CFAP299: variants seen among roughly 807,000 people sequenced by gnomAD.
CFAP299 encodes cilia- and flagella-associated protein 299.
In CFAP299, 21 loss-of-function variants were observed where a neutral mutation model predicts 27.0. The ratio of observed to expected loss-of-function variants is 0.78; its 90% CI spans 0.55 to 1.12. The LOEUF is 1.12. Among genes scored for constraint, CFAP299 ranks in the 50% most tolerant of loss-of-function variants. The pLI is 0.00. For synonymous variants in CFAP299, 104 were observed against 98.1 expected (o/e 1.06, Z -0.36); for missense variants, 310 against 276.6 (o/e 1.12, Z -0.86).
chr4:80,457,820 C>T (rs1729240537), intron 2 of CFAP299, among the ~76,000 whole-genome samples: 1 of 152,134 alleles, frequency 6.6e-6, no homozygotes, highest in Non-Finnish European at 1.5e-5. Context: ...GAGCCATCTA[C>T]AATAGAGACT....
intron 3 of CFAP299, among the ~76,000 whole-genome samples, chr4:80,847,465 A>G (rs780926207): frequency 9.2e-5 from 14 of 152,158 alleles, no homozygotes; most frequent in Non-Finnish European, 1.5e-4. Context: ...AGTGGCAGAG[A>G]TGATGTCAGT....
intron 3 of CFAP299, among the ~76,000 whole-genome samples, chr4:80,829,394 T>G (rs2110130244): frequency 6.6e-6 from 1 of 152,046 alleles, no homozygotes; most frequent in Non-Finnish European, 1.5e-5. Flanking sequence ...TTTCACCCAT[T>G]AGGATGGATA....
intron 3 of CFAP299, among the ~76,000 whole-genome samples, chr4:80,701,838 A>G (rs898014791): frequency 3.3e-5 from 5 of 152,036 alleles, no homozygotes; most frequent in Admixed American, 2.0e-4. Context: ...AATGATTATA[A>G]ACAATGAACT....
intron 3 of CFAP299, among the ~76,000 whole-genome samples, chr4:80,629,710 T>A (rs1739107924): frequency 6.6e-6 from 1 of 151,828 alleles, no homozygotes; most frequent in Non-Finnish European, 1.5e-5. Context: ...TGAAACCTGG[T>A]GTCTACTAAA....
intron 2 of CFAP299, among the ~76,000 whole-genome samples, chr4:80,512,223 TGTG>T (rs1304964215): frequency 6.7e-6 from 1 of 148,526 alleles, no homozygotes; most frequent in Admixed American, 6.7e-5. Flanking sequence ...TATTACATAG[TGTG>T]TGTGTGTGTG....
chr4:80,850,360 A>G (rs1362431183), intron 3 of CFAP299, among the ~76,000 whole-genome samples: 1 of 152,046 alleles, frequency 6.6e-6, no homozygotes, highest in Non-Finnish European at 1.5e-5. Context: ...ATCAGTATTA[A>G]TATGTTATTC....
intron 4 of CFAP299, among the ~76,000 whole-genome samples, chr4:80,923,422 G>A (rs1255829832): frequency 6.6e-6 from 1 of 152,018 alleles, no homozygotes; most frequent in Non-Finnish European, 1.5e-5. Flanking sequence ...AGTAGGCCAA[G>A]ATGAAGAACT....
chr4:80,435,837 A>G (rs115694280), intron 2 of CFAP299, among the ~76,000 whole-genome samples: 2,728 of 152,300 alleles, frequency 0.018, 36 homozygotes, highest in Non-Finnish European at 0.023. Context: ...GGCAGTTTAG[A>G]TGGCCATATC....
At chr4:80,466,669 C>T (rs1019228485) in intron 2 of CFAP299, among the ~76,000 whole-genome samples, 1 of 152,172 alleles carries the variant, frequency 6.6e-6, no homozygotes, top group Non-Finnish European at 1.5e-5. Context: ...TACTCCAAAC[C>T]ACAGAGTCAG....
At chr4:80,540,339 A>G (rs1024829207) in intron 2 of CFAP299, among the ~76,000 whole-genome samples, 5 of 152,236 alleles carry the variant, frequency 3.3e-5, no homozygotes, top group African/African-American at 4.8e-5. Flanking sequence ...GGATTAATGA[A>G]ACGTTCCTAG....
chr4:80,401,072 A>G (rs1397994235), intron 2 of CFAP299, among the ~76,000 whole-genome samples: 2 of 152,224 alleles, frequency 1.3e-5, no homozygotes, highest in Non-Finnish European at 2.9e-5. Flanking sequence ...AGAAATTTCT[A>G]AACATCAAAG....
At chr4:80,897,324 A>G (rs1734656250) in intron 4 of CFAP299, among the ~76,000 whole-genome samples, 1 of 152,206 alleles carries the variant, frequency 6.6e-6, no homozygotes, top group Non-Finnish European at 1.5e-5. Context: ...TGTGCCTGGC[A>G]TTGGGAATTC....
Position 80,638,526 on chromosome 4 carries a change from G to T in CFAP299, c.333+55343G>T, listed in dbSNP as rs114620714. 2.6e-5 allele frequency among the ~76,000 whole-genome samples: 4 copies of T among 152,210 alleles called. No homozygotes were observed. In the South Asian group the frequency reaches 8.3e-4, roughly 32 times the overall value. On this transcript the variant is annotated intron_variant, in intron 3 of 5. Coordinates refer to ENST00000358105, the MANE Select transcript of CFAP299 (RefSeq NM_152770.3). ...GAGATCTCCGAAATCAGAAACACTA[G>T]AGCAGGCCTATTCAATGACTTAAAA...
chr4:80,797,708 C>A (rs1319069634), intron 3 of CFAP299, among the ~76,000 whole-genome samples: 2 of 152,088 alleles, frequency 1.3e-5, no homozygotes, highest in African/African-American at 4.8e-5. Context: ...CAGGTTCTGC[C>A]CTCACAAATC....
chr4:80,386,403 CCT>C lies in CFAP299; in HGVS notation c.242+23520_242+23521del. ...GACGGCCTCGGGCACCAGACCAGCC[CCT>C]GTGTCCTTCATCTCCTCCAGCCCCA... On this transcript the variant is annotated intron_variant, in intron 2 of 5. Coordinates refer to ENST00000358105, the MANE Select transcript of CFAP299 (RefSeq NM_152770.3). The C allele has an allele frequency of 3.2e-6, 5 of 1,540,034 alleles. No homozygotes were observed. In the South Asian group the frequency reaches 3.6e-5, roughly 11 times the overall value.
intron 3 of CFAP299, among the ~76,000 whole-genome samples, chr4:80,584,161 A>C (rs1243941069): frequency 6.6e-6 from 1 of 152,080 alleles, no homozygotes; most frequent in Non-Finnish European, 1.5e-5. Context: ...ATATGGGCAG[A>C]GACTAGACTT....
chr4:80,438,619 C>G lies in CFAP299; in HGVS notation c.242+75735C>G, dbSNP rs147539154. 6.1e-3 allele frequency among the ~76,000 whole-genome samples: 925 copies of G among 152,286 alleles called. 20 individuals carry two copies. The highest frequency in any genetic ancestry group is 0.021 in the African/African-American group (890 of 41,568). On this transcript the variant is annotated intron_variant, in intron 2 of 5. Coordinates refer to ENST00000358105, the MANE Select transcript of CFAP299 (RefSeq NM_152770.3). The stretch of plus-strand genomic sequence containing the variant: ...CATTTTGACTCTCTCCTGTTCTATT[C>G]ATCTGTCTGTTTTTAAAATCCATTT...
chr4:80,630,075 G>C (rs1163324097), intron 3 of CFAP299, among the ~76,000 whole-genome samples: 3 of 151,988 alleles, frequency 2.0e-5, no homozygotes, highest in African/African-American at 7.2e-5. Flanking sequence ...TACCCAGAAT[G>C]CAGCAAAGAA....
intron 2 of CFAP299, among the ~76,000 whole-genome samples, chr4:80,425,880 CTT>C (rs1425296784): frequency 1.3e-5 from 2 of 152,138 alleles, no homozygotes; most frequent in Non-Finnish European, 2.9e-5. Flanking sequence ...ATAGCAGACT[CTT>C]TGGTTAAAGT....
Sources: allele counts gnomAD v4.1 joint callset (sites outside exome capture counted in the v4.1 genomes callset), GRCh38; gene constraint gnomAD v4.1.1; transcripts MANE v1.5; gene names NCBI Gene and HGNC (gene_info 2026-07-23, HGNC 2026-07-21).